Variants in PTPRK observed in about 807,000 individuals in gnomAD.
The protein encoded by PTPRK is protein tyrosine phosphatase receptor type K.
Under a neutral mutation model 178.0 loss-of-function variants are expected in PTPRK, and 75 were observed. The ratio of observed to expected loss-of-function variants is 0.42; its 90% CI spans 0.35 to 0.51. The LOEUF is 0.51. PTPRK is among the 20% of genes least tolerant of loss of function. PTPRK has a pLI of 0.02. For missense variants in PTPRK, 1,441 were observed against 1,797.8 expected, an observed-to-expected ratio of 0.80 and a Z score of 3.59; for synonymous variants, 637 against 620.6, an observed-to-expected ratio of 1.03 and a Z score of -0.39.
chr6:128,377,538 T>A (rs1397818434), intron 2 of PTPRK, among the ~76,000 whole-genome samples: 1 of 152,152 alleles, frequency 6.6e-6, no homozygotes. Flanking sequence ...CCATTAAATA[T>A]ATATTTGTTA....
rs1171657381 is a variant in PTPRK, at chr6:127,969,906, A to C, written c.*321T>G. ...AGTATGAACTCATGCAACATGTGGT[A>C]GCTGCTCTACTGAAACCATGAGAAA... On this transcript the variant is annotated 3_prime_UTR_variant, in exon 30 of 30. Transcript: ENST00000368226. The C allele has an allele frequency of 5.0e-6, 1 of 201,312 alleles. No homozygotes were observed. The highest frequency in any genetic ancestry group is 9.9e-6 in the Non-Finnish European group (1 of 101,084). 12.5% of individuals were successfully genotyped at this position (201,312 alleles called of 1,614,324 possible). A position where few individuals can be genotyped will look rare whatever the true frequency, so the allele number is the denominator to read the frequency against.
intron 1 of PTPRK, among the ~76,000 whole-genome samples, chr6:128,478,299 C>G (rs1319045896): frequency 1.3e-5 from 2 of 151,806 alleles, no homozygotes; most frequent in East Asian, 3.9e-4. Context: ...TTTTTGCCTT[C>G]TCACTGGATC....
At chr6:128,371,173 T>C (rs554036912) in intron 2 of PTPRK, among the ~76,000 whole-genome samples, 1 of 152,332 alleles carries the variant, frequency 6.6e-6, no homozygotes, top group South Asian at 2.1e-4. Context: ...ACACTTTCTT[T>C]GTCTTCGATT....
intron 2 of PTPRK, among the ~76,000 whole-genome samples, chr6:128,355,657 G>A (rs1449231100): frequency 6.6e-6 from 1 of 152,158 alleles, no homozygotes; most frequent in Non-Finnish European, 1.5e-5. Context: ...GGGGTGGGAG[G>A]ACGGCGGAGG....
At chr6:128,371,696 T>C (rs958554087) in intron 2 of PTPRK, among the ~76,000 whole-genome samples, 4 of 152,020 alleles carry the variant, frequency 2.6e-5, no homozygotes, top group African/African-American at 9.7e-5. Context: ...AACAAATAAA[T>C]GCAATAATCT....
intron 1 of PTPRK, among the ~76,000 whole-genome samples, chr6:128,448,837 G>GT (rs1464985041): frequency 6.6e-6 from 1 of 152,078 alleles, no homozygotes; most frequent in African/African-American, 2.4e-5. Flanking sequence ...TGCCATGCCA[G>GT]TTTTGTTTGT....
chr6:128,048,347 A>G (rs934383089), intron 13 of PTPRK, among the ~76,000 whole-genome samples: 6 of 152,182 alleles, frequency 3.9e-5, no homozygotes, highest in Admixed American at 1.3e-4. Context: ...GAGCTGATTT[A>G]GAACATTCTA....
Position 128,083,843 on chromosome 6 carries a change from T to C in PTPRK, c.1466-19A>G. On this transcript the variant is annotated intron_variant, in intron 8 of 29. Transcript: ENST00000368226. ...CCAGGCACTACAAAACACATGAATT[T>C]TTTGTTATGAAAATGCTTACATTAG... The C allele has an allele frequency of 7.0e-7, 1 of 1,438,722 alleles. No homozygotes were observed. Among genetic ancestry groups the C allele is most frequent in the Non-Finnish European group, 9.5e-7 (1 of 1,057,420 alleles). The allele number at this position is 1,438,722 out of a possible 1,614,324, so 89.1% of individuals were successfully genotyped here. A position where few individuals can be genotyped will look rare whatever the true frequency, so the allele number is the denominator to read the frequency against.
intron 7 of PTPRK, among the ~76,000 whole-genome samples, chr6:128,149,292 T>G (rs1796932996): frequency 6.6e-6 from 1 of 151,746 alleles, no homozygotes; most frequent in Non-Finnish European, 1.5e-5. Flanking sequence ...CCCTAGAACT[T>G]AAAGTATAAT....
intron 3 of PTPRK, among the ~76,000 whole-genome samples, chr6:128,258,515 C>CT (rs1309123299): frequency 5.3e-5 from 8 of 152,080 alleles, no homozygotes; most frequent in Non-Finnish European, 1.2e-4. Flanking sequence ...TCGCTATGTA[C>CT]TTTTTTCATT....
intron 1 of PTPRK, among the ~76,000 whole-genome samples, chr6:128,495,093 T>G (rs1165945254): frequency 6.6e-6 from 1 of 152,216 alleles, no homozygotes; most frequent in Non-Finnish European, 1.5e-5. Context: ...TCTGTGCAAT[T>G]TAAAACAAAC....
intron 1 of PTPRK, among the ~76,000 whole-genome samples, chr6:128,502,873 T>A (rs1395234793): frequency 2.0e-5 from 3 of 152,168 alleles, no homozygotes; most frequent in African/African-American, 7.2e-5. Flanking sequence ...TGATGTCACA[T>A]TGGTCCTTTG....
At chr6:128,311,415 G>A (rs1215592567) in intron 3 of PTPRK, among the ~76,000 whole-genome samples, 1 of 152,136 alleles carries the variant, frequency 6.6e-6, no homozygotes, top group Non-Finnish European at 1.5e-5. Context: ...GCACCGAGGA[G>A]TCAGACAGAA....
chr6:128,031,543 T>C (rs1044383080), intron 13 of PTPRK, among the ~76,000 whole-genome samples: 1 of 152,224 alleles, frequency 6.6e-6, no homozygotes, highest in Non-Finnish European at 1.5e-5. Flanking sequence ...CAGTGTTTCA[T>C]GTAAGAACAG....
intron 1 of PTPRK, among the ~76,000 whole-genome samples, chr6:128,469,944 A>G (rs1850390578): frequency 6.6e-6 from 1 of 152,190 alleles, no homozygotes; most frequent in South Asian, 2.1e-4. Flanking sequence ...GAAGGAACCT[A>G]GCCCTGCAGA....
Position 128,159,056 on chromosome 6 carries a change from TG to T in PTPRK, c.1162+25375del, listed in dbSNP as rs542146419. Among the ~76,000 whole-genome samples the T allele has an allele frequency of 1.7e-3, 255 of 151,898 alleles. 1 individual carries two copies. The highest frequency in any genetic ancestry group is 5.8e-3 in the African/African-American group (242 of 41,500). ...AATTATTTTAGTTTCTGAACATATA[TG>T]GGGTAGTCAATGAAATCAAAATTAG... On this transcript the variant is annotated intron_variant, in intron 7 of 29. Coordinates refer to ENST00000368226, the MANE Select transcript of PTPRK (RefSeq NM_002844.4).
intron 1 of PTPRK, among the ~76,000 whole-genome samples, chr6:128,493,629 C>A (rs1366619638): frequency 8.0e-6 from 1 of 124,942 alleles, no homozygotes; most frequent in African/African-American, 3.0e-5. Flanking sequence ...CACACACACA[C>A]ACACACACAC....
intron 11 of PTPRK, among the ~76,000 whole-genome samples, chr6:128,077,452 G>A (rs1263442430): frequency 1.3e-5 from 2 of 151,804 alleles, no homozygotes; most frequent in African/African-American, 4.8e-5. Context: ...TTTATGATTT[G>A]TATTCTTTTG....
intron 24 of PTPRK, among the ~76,000 whole-genome samples, chr6:127,982,366 A>G (rs1186094822): frequency 6.6e-6 from 1 of 151,880 alleles, no homozygotes; most frequent in Non-Finnish European, 1.5e-5. Flanking sequence ...TCCGCCTGCC[A>G]GGTTCACGCC....
Sources: gnomAD v4.1 joint callset for allele counts (sites outside exome capture counted in the v4.1 genomes callset) on GRCh38, gnomAD v4.1.1 for gene constraint, MANE v1.5 for transcripts, NCBI Gene and HGNC (gene_info 2026-07-23, HGNC 2026-07-21) for gene names.